The following DPH6 variants were observed in gnomAD, a reference collection of about 807,000 sequenced individuals.
DPH6 encodes the protein diphthine--ammonia ligase.
A neutral mutation model predicts 38.2 loss-of-function variants in DPH6; 33 were observed. That is an observed-to-expected ratio of 0.86 (90% confidence interval 0.65 to 1.15). DPH6 has a LOEUF of 1.15. Among genes scored for constraint, DPH6 ranks in the 50% most tolerant of loss-of-function variants. DPH6 has a pLI of 0.00. For missense variants in DPH6, 325 were observed against 320.0 expected (o/e 1.02, Z -0.12); for synonymous variants, 108 against 103.0 (o/e 1.05, Z -0.30).
intron 5 of DPH6, among the ~76,000 whole-genome samples, chr15:35,414,954 G>A (rs1285231955): frequency 6.6e-6 from 1 of 151,590 alleles, no homozygotes; most frequent in Non-Finnish European, 1.5e-5. Flanking sequence ...TCTCCCTCTT[G>A]TAGGGCACTT....
At chr15:35,497,689 A>C (rs2054575127) in intron 3 of DPH6, among the ~76,000 whole-genome samples, 1 of 152,222 alleles carries the variant, frequency 6.6e-6, no homozygotes, top group Non-Finnish European at 1.5e-5. Context: ...AACCCTCAGG[A>C]AAATGGAGAG....
intron 3 of DPH6, among the ~76,000 whole-genome samples, chr15:35,302,907 A>C (rs2052063857): frequency 6.6e-6 from 1 of 152,096 alleles, no homozygotes; most frequent in Admixed American, 6.5e-5. Context: ...CATATTGATT[A>C]GATTTGTAAG....
chr15:35,443,237 T>C (rs532067614), intron 5 of DPH6, among the ~76,000 whole-genome samples: 6 of 152,308 alleles, frequency 3.9e-5, no homozygotes, highest in African/African-American at 1.4e-4. Context: ...TTGTCTCATA[T>C]ATTGTTACCA....
intron 3 of DPH6, among the ~76,000 whole-genome samples, chr15:35,353,739 C>T (rs768934369): frequency 2.0e-5 from 3 of 152,112 alleles, no homozygotes; most frequent in Non-Finnish European, 4.4e-5. Context: ...GTTCTTTTGG[C>T]TTAGGATTGA....
At chr15:35,358,122 C>T (rs1320797732) in intron 3 of DPH6, among the ~76,000 whole-genome samples, 1 of 152,038 alleles carries the variant, frequency 6.6e-6, no homozygotes, top group Non-Finnish European at 1.5e-5. Context: ...TGGTTGAATA[C>T]TTTGTCTTTG....
intron 6 of DPH6, among the ~76,000 whole-genome samples, chr15:35,407,341 T>A (rs1001204939): frequency 2.0e-5 from 3 of 151,974 alleles, no homozygotes; most frequent in Admixed American, 6.6e-5. Context: ...AACAAGTACC[T>A]TGTTTGTTTA....
At chr15:35,262,691 G>A (rs1416654764) in intron 3 of DPH6, among the ~76,000 whole-genome samples, 1 of 104,990 alleles carries the variant, frequency 9.5e-6, no homozygotes, top group Admixed American at 1.3e-4. Context: ...GCGAAACAGA[G>A]CAAGACTCCG....
At chr15:35,274,340 G>C (rs550786099) in intron 3 of DPH6, among the ~76,000 whole-genome samples, 7 of 151,852 alleles carry the variant, frequency 4.6e-5, no homozygotes, top group South Asian at 2.1e-4. Context: ...ACATAGGCAC[G>C]GGCAAAGACT....
At chr15:35,284,599 G>T (rs1187639447) in intron 3 of DPH6, among the ~76,000 whole-genome samples, 1 of 150,714 alleles carries the variant, frequency 6.6e-6, no homozygotes, top group African/African-American at 2.4e-5. Context: ...GTAACAGCCA[G>T]TAGACCTATA....
At chr15:35,515,262 G>A (rs944768045) in intron 3 of DPH6, among the ~76,000 whole-genome samples, 4 of 151,802 alleles carry the variant, frequency 2.6e-5, no homozygotes, top group Non-Finnish European at 4.4e-5. Context: ...TTTTACTGAC[G>A]CTCAAAGGAA....
the DPH6 span, among the ~76,000 whole-genome samples, chr15:35,179,008 A>G: frequency 6.6e-6 from 1 of 151,994 alleles, no homozygotes; most frequent in East Asian, 1.9e-4. Flanking sequence ...GGAGTTCGAG[A>G]CCAGCCTGAC....
chr15:35,450,158 T>A (rs9788742), intron 5 of DPH6, among the ~76,000 whole-genome samples: 107,385 of 151,380 alleles, frequency 0.71, 39,176 homozygotes, highest in South Asian at 0.84. Flanking sequence ...ATCAGATAAC[T>A]TTTTCTCAAA....
rs187094066 is a variant in DPH6 at position 35,503,127 on chromosome 15, T to C, written c.312+35147A>G. Reference sequence around the variant, plus strand: ...CTGAAATATGGAAGGTTAGTTCTTATAGAAATTTAATTTAGCAACTGTTGC... The same window carrying C: ...CTGAAATATGGAAGGTTAGTTCTTACAGAAATTTAATTTAGCAACTGTTGC... On this transcript the variant is annotated intron_variant, in intron 3 of 8. Transcript: ENST00000256538. Among the ~76,000 whole-genome samples the C allele has an allele frequency of 1.9e-3, 283 of 151,860 alleles. 1 individual carries two copies. The highest frequency in any genetic ancestry group is 2.0e-3 in the African/African-American group (81 of 41,512).
chr15:35,367,379 T>C (rs1042298591), downstream of DPH6, among the ~76,000 whole-genome samples: 1 of 151,888 alleles, frequency 6.6e-6, no homozygotes, highest in Admixed American at 6.6e-5. Flanking sequence ...AACAACCTCA[T>C]AAGGAAGAAA....
intron 5 of DPH6, among the ~76,000 whole-genome samples, chr15:35,438,241 G>A (rs1595563295): frequency 1.3e-5 from 2 of 151,256 alleles, no homozygotes; most frequent in Middle Eastern, 6.8e-3. Flanking sequence ...ACACACATGA[G>A]AGGCCCTAAG....
the DPH6 span, among the ~76,000 whole-genome samples, chr15:35,176,867 T>C: frequency 3.3e-5 from 5 of 152,216 alleles, no homozygotes; most frequent in African/African-American, 1.2e-4. Flanking sequence ...ACAGTCAGAC[T>C]AAAATGTTTT....
intron 3 of DPH6, among the ~76,000 whole-genome samples, chr15:35,496,569 T>A (rs76891493): frequency 0.18 from 9,519 of 51,910 alleles, 941 homozygotes; most frequent in African/African-American, 0.23. Context: ...AAAAAAAAAA[T>A]ATATATATAT....
At chr15:35,534,958 AT>A (rs1471913935) in intron 3 of DPH6, among the ~76,000 whole-genome samples, 13 of 152,200 alleles carry the variant, frequency 8.5e-5, no homozygotes, top group Non-Finnish European at 1.8e-4. Context: ...GCTTCATTCT[AT>A]TAGGACAAAC....
chr15:35,277,754 G>A (rs117814739), intron 3 of DPH6, among the ~76,000 whole-genome samples: 2,771 of 152,260 alleles, frequency 0.018, 41 homozygotes, highest in Non-Finnish European at 0.031. Flanking sequence ...CCATTATGCT[G>A]TTGCAAAGAA....
Sources: gnomAD v4.1 joint callset for allele counts (sites outside exome capture counted in the v4.1 genomes callset) on GRCh38, gnomAD v4.1.1 for gene constraint, MANE v1.5 for transcripts, NCBI Gene and HGNC (gene_info 2026-07-23, HGNC 2026-07-21) for gene names.